PTPRN2: variants seen among roughly 807,000 people sequenced by gnomAD.
PTPRN2 encodes protein tyrosine phosphatase receptor type N2, also known as receptor-type tyrosine-protein phosphatase N2.
Under a neutral mutation model 118.8 loss-of-function variants are expected in PTPRN2, and 74 were observed. The observed-to-expected ratio is 0.62, with a 90% confidence interval of 0.52 to 0.76. The LOEUF is 0.76. Among genes scored for constraint, PTPRN2 ranks in the 30% least tolerant of loss-of-function variants. The probability of loss-of-function intolerance (pLI) is 0.00; values close to 1 mark genes in which losing one functional copy is unlikely to be tolerated. For missense variants in PTPRN2, 1,481 were observed against 1,394.4 expected (o/e 1.06, Z -0.99); for synonymous variants, 641 against 608.0 (o/e 1.05, Z -0.80).
intron 11 of PTPRN2, among the ~76,000 whole-genome samples, chr7:157,907,091 G>A (rs1290370611): frequency 6.6e-6 from 1 of 152,220 alleles, no homozygotes; most frequent in Non-Finnish European, 1.5e-5. Context: ...CTGTGCTGAT[G>A]TCACACTTTG....
At chr7:158,203,347 T>C (rs925819883) in intron 4 of PTPRN2, among the ~76,000 whole-genome samples, 3 of 151,194 alleles carry the variant, frequency 2.0e-5, no homozygotes, top group African/African-American at 7.3e-5. Flanking sequence ...AAACTTTTAA[T>C]CTCACTTATA....
chr7:158,561,640 G>A (rs532945589), intron 1 of PTPRN2, among the ~76,000 whole-genome samples: 6 of 152,350 alleles, frequency 3.9e-5, no homozygotes, highest in South Asian at 4.1e-4. Flanking sequence ...GGGCTGGTCA[G>A]AAATGCAGAA....
chr7:158,283,307 C>A (rs1799553053), intron 3 of PTPRN2, among the ~76,000 whole-genome samples: 1 of 152,306 alleles, frequency 6.6e-6, no homozygotes, highest in East Asian at 1.9e-4. Flanking sequence ...GCTCCCCAGA[C>A]CCCCAAGAGG....
At chr7:158,364,215 ACTT>A (rs1177552578) in intron 2 of PTPRN2, among the ~76,000 whole-genome samples, 4 of 142,340 alleles carry the variant, frequency 2.8e-5, no homozygotes, top group Non-Finnish European at 6.1e-5. Flanking sequence ...CCCCATCCTC[ACTT>A]CACCTGCCTC....
At chr7:157,885,868 C>G (rs1796423010) in intron 12 of PTPRN2, among the ~76,000 whole-genome samples, 1 of 152,170 alleles carries the variant, frequency 6.6e-6, no homozygotes. Flanking sequence ...CTCAGTCTCC[C>G]CTCTGTGAAA....
rs1020443915 is a variant in PTPRN2 at position 157,808,385 on chromosome 7, TC to T, written c.1788+90287del. Among the ~76,000 whole-genome samples the T allele has an allele frequency of 5.3e-5, 8 of 152,148 alleles. No homozygotes were observed. The highest frequency in any genetic ancestry group is 7.4e-5 in the Non-Finnish European group (5 of 68,020). On this transcript the variant is annotated intron_variant, in intron 12 of 22. Coordinates refer to ENST00000389418, the MANE Select transcript of PTPRN2 (RefSeq NM_002847.5). This position sits in a 1 kb window ranked among gnomAD's most constrained non-coding sequence, Gnocchi z 5.0. ...AAACTTTGTCGGTATTTATAGCCAG[TC>T]CCCATGGCTCACAGTACTGCCTGGG...
At chr7:158,144,407 G>A (rs1254501935) in intron 6 of PTPRN2, among the ~76,000 whole-genome samples, 10 of 152,200 alleles carry the variant, frequency 6.6e-5, no homozygotes, top group Admixed American at 6.5e-4. Flanking sequence ...GGAGGCCAAG[G>A]TGGGCGGATT....
intron 14 of PTPRN2, among the ~76,000 whole-genome samples, chr7:157,626,768 T>C (rs1480826739): frequency 2.6e-5 from 4 of 152,264 alleles, no homozygotes; most frequent in Admixed American, 6.5e-5. Context: ...AAGTGATTTA[T>C]ATTATAGGTA....
chr7:157,589,000 T>C (rs1264387631), intron 17 of PTPRN2, among the ~76,000 whole-genome samples: 1 of 152,180 alleles, frequency 6.6e-6, no homozygotes, highest in Non-Finnish European at 1.5e-5. Flanking sequence ...AAGTGCACAG[T>C]GCAGCGGCAG....
intron 14 of PTPRN2, among the ~76,000 whole-genome samples, chr7:157,650,095 G>T (rs970356027): frequency 6.6e-6 from 1 of 152,232 alleles, no homozygotes; most frequent in African/African-American, 2.4e-5. Flanking sequence ...GGGGTCTCCA[G>T]AGCCGGCTAC....
At chr7:158,435,999 T>C (rs1187729050) in intron 2 of PTPRN2, among the ~76,000 whole-genome samples, 1 of 152,206 alleles carries the variant, frequency 6.6e-6, no homozygotes, top group Admixed American at 6.5e-5. Flanking sequence ...AGATCTGCGG[T>C]ACAGATCATG....
chr7:158,087,915 AC>A (rs771200767), intron 10 of PTPRN2, among the ~76,000 whole-genome samples: 94 of 83,346 alleles, frequency 1.1e-3, no homozygotes, highest in African/African-American at 1.5e-3. Context: ...GTCTTCACAC[AC>A]ATCCTTCTTC....
chr7:158,280,535 C>A (rs879744576), intron 3 of PTPRN2, among the ~76,000 whole-genome samples: 3 of 152,164 alleles, frequency 2.0e-5, no homozygotes, highest in Admixed American at 1.3e-4. Context: ...GAAACTAGGT[C>A]TTTGAAGACC....
chr7:158,239,392 C>T (rs1795770790), intron 3 of PTPRN2, among the ~76,000 whole-genome samples: 1 of 152,194 alleles, frequency 6.6e-6, no homozygotes, highest in Non-Finnish European at 1.5e-5. Flanking sequence ...TTGTTCTTTC[C>T]TGGGGCGCTT....
chr7:158,063,346 G>C (rs1355981315), intron 11 of PTPRN2, among the ~76,000 whole-genome samples: 1 of 152,214 alleles, frequency 6.6e-6, no homozygotes, highest in Non-Finnish European at 1.5e-5. Context: ...TCAGCACTCA[G>C]TGTCTAGCTC....
At chr7:157,776,201 T>C (rs1803215270) in intron 12 of PTPRN2, among the ~76,000 whole-genome samples, 10 of 101,422 alleles carry the variant, frequency 9.9e-5, no homozygotes, top group East Asian at 3.2e-4. Context: ...ACTTCCTCCC[T>C]CTCCTCCTCC....
rs58280183 is a variant in PTPRN2 at position 157,742,383 on chromosome 7, G to C, written c.1789-59446C>G. On this transcript the variant is annotated intron_variant, in intron 12 of 22. Coordinates refer to ENST00000389418, the MANE Select transcript of PTPRN2 (RefSeq NM_002847.5). ...AAGAAGGAAGTAAATTCAGTTACTT[G>C]GATACAAGTAGGACAGAAAATATTC... Among the ~76,000 whole-genome samples the C allele has an allele frequency of 1.4e-3, 211 of 152,308 alleles. 3 individuals are homozygous for C. Among genetic ancestry groups the C allele is most frequent in the African/African-American group, 4.9e-3 (202 of 41,570 alleles).
chr7:158,523,681 AGTC>A (rs751344001), intron 1 of PTPRN2, among the ~76,000 whole-genome samples: 27 of 137,466 alleles, frequency 2.0e-4, no homozygotes, highest in Non-Finnish European at 2.7e-4. Context: ...CCTGGAGCGG[AGTC>A]GTCTGCCCTG....
chr7:158,183,540 C>T (rs1032988990), intron 5 of PTPRN2, among the ~76,000 whole-genome samples: 14 of 152,210 alleles, frequency 9.2e-5, no homozygotes, highest in South Asian at 4.1e-4. Context: ...GGCAGACTTC[C>T]GCAAGGTCCC....
Sources: allele counts gnomAD v4.1 joint callset (sites outside exome capture counted in the v4.1 genomes callset), GRCh38; gene constraint gnomAD v4.1.1; non-coding constraint Gnocchi (gnomAD v3.1); transcripts MANE v1.5; gene names NCBI Gene and HGNC (gene_info 2026-07-23, HGNC 2026-07-21).